Variants in TIMP2 observed in about 807,000 individuals in gnomAD.
TIMP2 encodes the protein TIMP metallopeptidase inhibitor 2.
A neutral mutation model predicts 24.3 loss-of-function variants in TIMP2; 5 were observed. The observed-to-expected ratio is 0.21, with a 90% CI of 0.11 to 0.43. The LOEUF is 0.43. Ranked by LOEUF, TIMP2 falls within the 20% of genes least tolerant of loss-of-function variation. The probability of loss-of-function intolerance (pLI) is 1.00; values close to 1 mark genes in which losing one functional copy is unlikely to be tolerated. For missense variants in TIMP2, 221 were observed against 297.5 expected, an observed-to-expected ratio of 0.74 and a Z score of 1.89; for synonymous variants, 130 against 123.2, an observed-to-expected ratio of 1.06 and a Z score of -0.37.
chr17:78,892,170 C>A, intron 1 of TIMP2: 1 of 1,551,002 alleles, frequency 6.4e-7, no homozygotes, highest in South Asian at 1.2e-5. Flanking sequence ...CTCAACTCCT[C>A]AGCCAAGCGC....
intron 3 of TIMP2, among the ~76,000 whole-genome samples, chr17:78,864,507 T>C (rs1269164772): frequency 6.6e-6 from 1 of 151,696 alleles, no homozygotes; most frequent in Non-Finnish European, 1.5e-5. Context: ...CCTCCCAAAA[T>C]GCTAGGATTA....
Position 78,920,401 on chromosome 17 carries a change from C to G in TIMP2, c.130+4558G>C, listed in dbSNP as rs562728055. On this transcript the variant is annotated intron_variant, in intron 1 of 4. Coordinates refer to ENST00000262768, the MANE Select transcript of TIMP2 (RefSeq NM_003255.5). This position sits in a 1 kb window ranked among gnomAD's most constrained non-coding sequence, Gnocchi z 4.5. The stretch of plus-strand genomic sequence containing the variant: ...GAGGCCCGAGAGGCTCTGAGGCTGG[C>G]ACTGTCCTCAGATCCCAGATAGGGA... Among the ~76,000 whole-genome samples, 2 of 152,300 alleles carry G rather than the reference C, an allele frequency of 1.3e-5. No homozygotes were observed. Among genetic ancestry groups the G allele is most frequent in the East Asian group, 3.9e-4 (2 of 5,166 alleles).
chr17:78,900,671 G>A (rs1340153079), intron 1 of TIMP2, among the ~76,000 whole-genome samples: 1 of 152,164 alleles, frequency 6.6e-6, no homozygotes, highest in African/African-American at 2.4e-5. Context: ...GGGCATCCCC[G>A]GATACAGATA....
intron 1 of TIMP2, among the ~76,000 whole-genome samples, chr17:78,914,622 G>GT (rs2070240055): frequency 6.6e-6 from 1 of 151,576 alleles, no homozygotes; most frequent in Admixed American, 6.6e-5. Context: ...GTCTTGCTCT[G>GT]TCCCCCAGGC....
rs187828098 is a variant in TIMP2, at chr17:78,889,740, A to G, written c.131-15821T>C. On this transcript the variant is annotated intron_variant, in intron 1 of 4. Coordinates refer to ENST00000262768, the MANE Select transcript of TIMP2 (RefSeq NM_003255.5). The stretch of plus-strand genomic sequence containing the variant: ...GATCGGCTCTGGGAGATGCATCCAC[A>G]GCACATGGGCTAGACACACCCACTG... 3.7e-3 allele frequency among the ~76,000 whole-genome samples: 559 copies of G among 152,252 alleles called. 1 individual carries two copies. The highest frequency in any genetic ancestry group is 6.8e-3 in the Non-Finnish European group (463 of 67,992).
chr17:78,919,572 A>T (rs182572311), intron 1 of TIMP2, among the ~76,000 whole-genome samples: 2 of 152,108 alleles, frequency 1.3e-5, no homozygotes, highest in Non-Finnish European at 2.9e-5. Context: ...CGGTGGCTCA[A>T]GCCTGTAATC....
At chr17:78,914,270 T>TTTATTTAC (rs2070235397) in intron 1 of TIMP2, among the ~76,000 whole-genome samples, 1 of 92,214 alleles carries the variant, frequency 1.1e-5, no homozygotes, top group Non-Finnish European at 2.2e-5. Flanking sequence ...CATTTATTTA[T>TTTATTTAC]TTATTTATTT....
chr17:78,918,065 AACACACACACACAC>A (rs57256110), intron 1 of TIMP2, among the ~76,000 whole-genome samples: 13 of 144,812 alleles, frequency 9.0e-5, no homozygotes, highest in Admixed American at 6.9e-4. Context: ...TGCACACACA[AACACACACACACAC>A]ACACACACAC....
chr17:78,895,682 G>A (rs533798001), intron 1 of TIMP2, among the ~76,000 whole-genome samples: 2 of 152,348 alleles, frequency 1.3e-5, no homozygotes, highest in South Asian at 4.1e-4. Context: ...AAAGCTCAGA[G>A]AGGTTGAATA....
At chr17:78,888,991 T>C (rs2069852966) in intron 1 of TIMP2, among the ~76,000 whole-genome samples, 1 of 152,202 alleles carries the variant, frequency 6.6e-6, no homozygotes, top group African/African-American at 2.4e-5. Flanking sequence ...GAAACCATCC[T>C]AGTACAGGGA....
intron 1 of TIMP2, chr17:78,901,246 A>G (rs2070088039): frequency 6.4e-6 from 1 of 155,270 alleles, no homozygotes; most frequent in South Asian, 1.9e-4. Context: ...ACAGCTACGA[A>G]GTGCCTGTGC....
rs1167706797 is a variant in TIMP2, at chr17:78,854,065, G to A, written c.*1602C>T. 1.3e-5 allele frequency: 2 copies of A among 152,316 alleles called. No individual in the cohort carries two copies. The highest frequency in any genetic ancestry group is 2.1e-4 in the South Asian group (1 of 4,812). 9.4% of individuals were successfully genotyped at this position (152,316 alleles called of 1,614,324 possible). A position where few individuals can be genotyped will look rare whatever the true frequency, so the allele number is the denominator to read the frequency against. On this transcript the variant is annotated 3_prime_UTR_variant, in exon 5 of 5. Coordinates refer to ENST00000262768, the MANE Select transcript of TIMP2 (RefSeq NM_003255.5). ...CTGACCAGGTCCCGGTGGGCATGGG[G>A]GCTGCATGCCACTTGGGGGTCAGGA...
chr17:78,909,593 G>A (rs1352243508), intron 1 of TIMP2, among the ~76,000 whole-genome samples: 4 of 150,650 alleles, frequency 2.7e-5, no homozygotes, highest in South Asian at 2.1e-4. Flanking sequence ...CCAGCTGCCC[G>A]TGTGACCGTG....
chr17:78,884,352 A>G (rs2069807063), intron 1 of TIMP2, among the ~76,000 whole-genome samples: 1 of 152,176 alleles, frequency 6.6e-6, no homozygotes, highest in Non-Finnish European at 1.5e-5. Flanking sequence ...GACGAACGTG[A>G]GGTCCGGGCC....
intron 3 of TIMP2, among the ~76,000 whole-genome samples, chr17:78,859,055 T>C (rs2145745229): frequency 6.6e-6 from 1 of 152,298 alleles, no homozygotes; most frequent in Non-Finnish European, 1.5e-5. Flanking sequence ...CTGTTTTGTT[T>C]TTCACAAAAT....
At position 78,855,240 on chromosome 17, in the gene TIMP2, G is replaced by T. The variant is rs377003248; in HGVS notation, c.*427C>A. ...GCCATGTCCCTCTCAAGATGAAAGGGACCTGGTAGGCCTGCTACACAGTCT... is the reference window on the plus strand; with the variant it reads ...GCCATGTCCCTCTCAAGATGAAAGGTACCTGGTAGGCCTGCTACACAGTCT... On this transcript the variant is annotated 3_prime_UTR_variant, in exon 5 of 5. Transcript: ENST00000262768. This position sits in a 1 kb window ranked among gnomAD's most constrained non-coding sequence, Gnocchi z 6.0. 23 of 196,666 alleles carry T rather than the reference G, an allele frequency of 1.2e-4. No homozygotes were observed. The East Asian group carries it at 2.2e-3, about 19-fold the overall frequency. 12.2% of individuals were successfully genotyped at this position (196,666 alleles called of 1,614,324 possible).
intron 1 of TIMP2, among the ~76,000 whole-genome samples, chr17:78,875,598 C>G (rs1734948547): frequency 1.3e-5 from 2 of 152,122 alleles, no homozygotes; most frequent in South Asian, 4.1e-4. Context: ...GCTTTAAAAG[C>G]TTTGCCCTCC....
At chr17:78,890,311 C>T (rs1224202557) in intron 1 of TIMP2, among the ~76,000 whole-genome samples, 2 of 151,486 alleles carry the variant, frequency 1.3e-5, no homozygotes, top group Non-Finnish European at 2.9e-5. Context: ...AAGTGATTCT[C>T]CTGCCTCAAT....
Position 78,866,268 on chromosome 17 carries a change from C to T in TIMP2, c.340+4630G>A, listed in dbSNP as rs1047219451. Among the ~76,000 whole-genome samples the T allele has an allele frequency of 7.2e-5, 11 of 152,326 alleles. 2 individuals are homozygous for T. The highest frequency in any genetic ancestry group is 2.0e-4 in the Admixed American group (3 of 15,302). Reference sequence around the variant, plus strand: ...AGACCATGCCTCTGCCACGCGCCACCGTGCGTGCTGTGCGGCCACCCCAGC... The same window carrying T: ...AGACCATGCCTCTGCCACGCGCCACTGTGCGTGCTGTGCGGCCACCCCAGC... On this transcript the variant is annotated intron_variant, in intron 3 of 4. Transcript: ENST00000262768.
Sources: gnomAD v4.1 joint callset for allele counts (sites outside exome capture counted in the v4.1 genomes callset) on GRCh38, gnomAD v4.1.1 for gene constraint, Gnocchi (gnomAD v3.1) non-coding constraint, MANE v1.5 for transcripts, NCBI Gene and HGNC (gene_info 2026-07-23, HGNC 2026-07-21) for gene names.